Variants in TNRC6A observed in about 807,000 individuals in gnomAD.
The protein encoded by TNRC6A is trinucleotide repeat containing adaptor 6A.
TNRC6A carries 44 observed loss-of-function variants against 221.2 expected under a neutral mutation model. That is an observed-to-expected ratio of 0.20 (90% confidence interval 0.16 to 0.26). The LOEUF is 0.26. Ranked by LOEUF, TNRC6A falls within the 10% of genes least tolerant of loss-of-function variation. TNRC6A has a pLI of 1.00. For missense variants in TNRC6A, 2,199 were observed against 2,404.4 expected (o/e 0.91, Z 1.79); for synonymous variants, 847 against 838.5 (o/e 1.01, Z -0.18).
intron 1 of TNRC6A, among the ~76,000 whole-genome samples, chr16:24,630,085 A>T (rs1296099922): frequency 1.3e-5 from 2 of 152,314 alleles, no homozygotes; most frequent in South Asian, 2.1e-4. Flanking sequence ...TTAATTGTGA[A>T]TATTAGAAGC....
intron 18 of TNRC6A, among the ~76,000 whole-genome samples, chr16:24,810,654 T>C (rs1166677031): frequency 1.3e-5 from 2 of 152,128 alleles, no homozygotes; most frequent in Non-Finnish European, 2.9e-5. Context: ...GCCTGGTGAA[T>C]TCTGTATCTC....
upstream of TNRC6A, among the ~76,000 whole-genome samples, chr16:24,726,597 G>A (rs2056496776): frequency 6.6e-6 from 1 of 152,170 alleles, no homozygotes; most frequent in African/African-American, 2.4e-5. Context: ...TCAGGTTAAA[G>A]AGAGCTGGGA....
chr16:24,765,336 G>T (rs769375007), intron 4 of TNRC6A, among the ~76,000 whole-genome samples: 1 of 152,070 alleles, frequency 6.6e-6, no homozygotes, highest in Non-Finnish European at 1.5e-5. Context: ...GGGCCATTAG[G>T]GTAAACAGAA....
chr16:24,699,995 C>T (rs2055938197), intron 2 of TNRC6A, among the ~76,000 whole-genome samples: 1 of 152,100 alleles, frequency 6.6e-6, no homozygotes, highest in Admixed American at 6.5e-5. Context: ...GTTCCTTCCA[C>T]CATGCTTGAT....
At chr16:24,808,363 TG>T (rs1194624192) in intron 17 of TNRC6A, among the ~76,000 whole-genome samples, 1 of 152,202 alleles carries the variant, frequency 6.6e-6, no homozygotes, top group Non-Finnish European at 1.5e-5. Context: ...CAACAGGCTA[TG>T]GCCTGTTGGC....
intron 2 of TNRC6A, among the ~76,000 whole-genome samples, chr16:24,720,817 C>T (rs1334698512): frequency 2.7e-5 from 4 of 150,428 alleles, no homozygotes; most frequent in Admixed American, 6.6e-5. Flanking sequence ...GGGTGGATCA[C>T]GAGGTCAGGA....
chr16:24,690,230 A>C (rs1448317291), intron 2 of TNRC6A, among the ~76,000 whole-genome samples: 1 of 151,884 alleles, frequency 6.6e-6, no homozygotes, highest in African/African-American at 2.4e-5. Context: ...AGCTGGTCTC[A>C]AACTCCTGAC....
At chr16:24,729,126 A>G (rs2056544808), upstream of TNRC6A, among the ~76,000 whole-genome samples, 1 of 151,948 alleles carries the variant, frequency 6.6e-6, no homozygotes, top group Admixed American at 6.6e-5. Context: ...GGTGGATAAA[A>G]ATCGCTTTTA....
At chr16:24,693,854 C>A (rs1478999902) in intron 2 of TNRC6A, among the ~76,000 whole-genome samples, 4 of 151,840 alleles carry the variant, frequency 2.6e-5, no homozygotes, top group African/African-American at 9.7e-5. Context: ...GAGCCAAGAC[C>A]GCCACTGCAC....
chr16:24,679,820 G>C (rs887969643), intron 2 of TNRC6A, among the ~76,000 whole-genome samples: 1 of 151,938 alleles, frequency 6.6e-6, no homozygotes, highest in South Asian at 2.1e-4. Context: ...TGTTGCCCAG[G>C]CTGGTCTTAA....
intron 2 of TNRC6A, among the ~76,000 whole-genome samples, chr16:24,732,939 G>A (rs770858086): frequency 1.3e-5 from 2 of 152,182 alleles, no homozygotes; most frequent in Non-Finnish European, 2.9e-5. Context: ...TCTTTTGGTC[G>A]AGTGCTGTGG....
At chr16:24,793,241 G>T (rs2151896313) in intron 6 of TNRC6A, 1 of 318,166 alleles carries the variant, frequency 3.1e-6, no homozygotes, top group East Asian at 5.0e-5. Context: ...TCTAGGTCTA[G>T]AGGGTAATTA....
chr16:24,800,896 C>T (rs2058318547), intron 11 of TNRC6A, among the ~76,000 whole-genome samples: 1 of 152,174 alleles, frequency 6.6e-6, no homozygotes, highest in African/African-American at 2.4e-5. Flanking sequence ...CCCTGTCTCT[C>T]GAGCTCCCTC....
chr16:24,736,633 T>G (rs747029629), intron 2 of TNRC6A, among the ~76,000 whole-genome samples: 1 of 152,212 alleles, frequency 6.6e-6, no homozygotes, highest in Non-Finnish European at 1.5e-5. Context: ...TATGATTAGG[T>G]TCAGGTTGAC....
chr16:24,633,707 TGTTTG>T (rs1337594406), intron 1 of TNRC6A, among the ~76,000 whole-genome samples: 1 of 152,084 alleles, frequency 6.6e-6, no homozygotes, highest in Non-Finnish European at 1.5e-5. Flanking sequence ...TTTCTTTCCT[TGTTTG>T]TTTTCTGTGC....
chr16:24,768,334 G>A (rs907766041), intron 4 of TNRC6A, among the ~76,000 whole-genome samples: 2 of 151,416 alleles, frequency 1.3e-5, no homozygotes, highest in Non-Finnish European at 2.9e-5. Context: ...TCGGGAGGCT[G>A]AGGCAGGAGA....
chr16:24,796,649 G>A (rs538572833), intron 9 of TNRC6A, among the ~76,000 whole-genome samples: 138 of 152,370 alleles, frequency 9.1e-4, no homozygotes, highest in Non-Finnish European at 1.5e-3. Context: ...GAGAGAGTTA[G>A]ATGCTTGCTT....
intron 2 of TNRC6A, among the ~76,000 whole-genome samples, chr16:24,680,298 G>A (rs1473788215): frequency 1.3e-5 from 2 of 151,676 alleles, no homozygotes; most frequent in East Asian, 2.0e-4. Flanking sequence ...GCATGTGCCT[G>A]TAGTCCTAGC....
At chr16:24,683,298 G>A (rs2055568377) in intron 2 of TNRC6A, among the ~76,000 whole-genome samples, 1 of 152,270 alleles carries the variant, frequency 6.6e-6, no homozygotes, top group South Asian at 2.1e-4. Flanking sequence ...CTGGGCTCAA[G>A]CAATCCTCCC....
Sources: gnomAD v4.1 joint callset for allele counts (sites outside exome capture counted in the v4.1 genomes callset) on GRCh38, gnomAD v4.1.1 for gene constraint, MANE v1.5 for transcripts, NCBI Gene and HGNC (gene_info 2026-07-23, HGNC 2026-07-21) for gene names.